The following ZFHX3 variants were observed in gnomAD, a reference collection of about 807,000 sequenced individuals.
The protein encoded by ZFHX3 is zinc finger homeobox protein 3.
Under a neutral mutation model 279.1 loss-of-function variants are expected in ZFHX3, and 42 were observed. The observed-to-expected ratio is 0.15, with a 90% CI of 0.12 to 0.19. ZFHX3 has a LOEUF of 0.19. Among genes scored for constraint, ZFHX3 ranks in the 10% least tolerant of loss-of-function variants. The pLI is 1.00. For synonymous variants in ZFHX3, 2,293 were observed against 1,957.8 expected (o/e 1.17, Z -4.52); for missense variants, 4,981 against 4,754.0 (o/e 1.05, Z -1.40).
chr16:73,792,823 T>C (rs1166143052), intron 1 of ZFHX3, among the ~76,000 whole-genome samples: 2 of 151,732 alleles, frequency 1.3e-5, no homozygotes, highest in East Asian at 3.9e-4. Context: ...TAATGAAATA[T>C]GACATGTAGT....
chr16:73,359,059 T>C (rs944268244), intron 3 of ZFHX3, among the ~76,000 whole-genome samples: 5 of 152,308 alleles, frequency 3.3e-5, no homozygotes, highest in African/African-American at 9.6e-5. Flanking sequence ...TTTTTGGAAA[T>C]TGAGCATCTT....
At position 72,950,827 on chromosome 16, in the gene ZFHX3, A is replaced by C. The variant is rs1960956420; in HGVS notation, c.2858T>G (p.Phe953Cys). The C allele has an allele frequency of 6.2e-7, 1 of 1,614,016 alleles. No homozygotes were observed. Among genetic ancestry groups the C allele is most frequent in the Non-Finnish European group, 8.5e-7 (1 of 1,180,046 alleles). Residue 953 changes from phenylalanine to cysteine, a missense_variant, in exon 3 of 10, where the codon TTC (phenylalanine) becomes TGC (cysteine). By Grantham distance (205) the Phe-to-Cys change is radical. Transcript: ENST00000268489. ...CAGCATGTCCAGGTTGTCCGTCGTG[A>C]ACTTGTTGCAGACGGCGCACTGGAA... is the stretch of plus-strand genomic sequence containing the variant. The part of the protein sequence containing the change: ...KLFQCAVCNK[F>C]TTDNLDMLGL...
At chr16:72,969,275 C>T (rs1961993250) in intron 1 of ZFHX3, among the ~76,000 whole-genome samples, 1 of 152,064 alleles carries the variant, frequency 6.6e-6, no homozygotes, top group Non-Finnish European at 1.5e-5. Context: ...AAACTGAAAA[C>T]TGGTCTCCCC....
chr16:73,642,730 G>C (rs765095946), intron 2 of ZFHX3, among the ~76,000 whole-genome samples: 17 of 152,146 alleles, frequency 1.1e-4, no homozygotes, highest in East Asian at 1.9e-4. Flanking sequence ...GAACAGTACA[G>C]CCTGAACAGA....
At chr16:73,295,057 CA>C (rs368906091) in intron 4 of ZFHX3, among the ~76,000 whole-genome samples, 3 of 151,536 alleles carry the variant, frequency 2.0e-5, no homozygotes, top group Non-Finnish European at 2.9e-5. Context: ...ACTAAAAATA[CA>C]AAAAAAATTA....
At chr16:73,364,668 T>G (rs925137178) in intron 3 of ZFHX3, among the ~76,000 whole-genome samples, 2 of 152,108 alleles carry the variant, frequency 1.3e-5, no homozygotes, top group African/African-American at 4.8e-5. Flanking sequence ...TTTAGGACAT[T>G]CTTGTTATAT....
chr16:73,254,516 T>A (rs1344367722), intron 5 of ZFHX3, among the ~76,000 whole-genome samples: 1 of 151,976 alleles, frequency 6.6e-6, no homozygotes, highest in East Asian at 1.9e-4. Context: ...AATCATGGGA[T>A]TCTTTTTTGA....
At chr16:73,473,640 G>C (rs537666947) in intron 2 of ZFHX3, among the ~76,000 whole-genome samples, 3 of 152,276 alleles carry the variant, frequency 2.0e-5, no homozygotes, top group African/African-American at 2.4e-5. Context: ...TGAAGCAGCT[G>C]TATGATTCTG....
intron 2 of ZFHX3, among the ~76,000 whole-genome samples, chr16:73,561,782 G>A (rs1033320712): frequency 1.3e-5 from 2 of 152,034 alleles, no homozygotes; most frequent in African/African-American, 2.4e-5. Context: ...CGAGTTCTAT[G>A]ACAATAATAC....
rs1333379823 is a variant in ZFHX3 at position 72,795,227 on chromosome 16, T to A, written c.7455A>T (p.Pro2485=). 12 of 1,608,366 alleles carry A rather than the reference T, an allele frequency of 7.5e-6. No homozygotes were observed. The highest frequency in any genetic ancestry group is 1.0e-5 in the Non-Finnish European group (12 of 1,177,064). The change falls in exon 9 of 10, where the codon CCA becomes CCT. Residue 2485 remains proline (P), a synonymous_variant. Coordinates refer to ENST00000268489, the MANE Select transcript of ZFHX3 (RefSeq NM_006885.4). ...AGGGGCACTGTGGAGGGGGCGCTTG[T>A]GGAGGAGGCTGTGGCAACGAAGGCA... The part of the protein sequence containing the change: ...VSLPSLPQPP[P]QAPPPQCPLP...
At chr16:73,853,356 T>C (rs1021794024) in intron 1 of ZFHX3, among the ~76,000 whole-genome samples, 1 of 152,142 alleles carries the variant, frequency 6.6e-6, no homozygotes, top group Non-Finnish European at 1.5e-5. Context: ...AATCATTATA[T>C]TAAAAAGACA....
chr16:73,704,986 A>T (rs1438885946), intron 1 of ZFHX3, among the ~76,000 whole-genome samples: 1 of 152,224 alleles, frequency 6.6e-6, no homozygotes, highest in Non-Finnish European at 1.5e-5. Context: ...AAATACTCCC[A>T]CCATGGCTGA....
At chr16:72,914,379 G>A (rs542344066) in intron 3 of ZFHX3, among the ~76,000 whole-genome samples, 4 of 152,256 alleles carry the variant, frequency 2.6e-5, no homozygotes, top group South Asian at 2.1e-4. Context: ...CACAGACCAC[G>A]ATACTTACTC....
intron 1 of ZFHX3, among the ~76,000 whole-genome samples, chr16:73,777,281 A>G (rs1042218650): frequency 3.3e-5 from 5 of 152,054 alleles, no homozygotes; most frequent in African/African-American, 1.2e-4. Flanking sequence ...AGGCAGGAGG[A>G]TCATGAGGTC....
At chr16:73,251,784 C>T (rs1265025611) in intron 5 of ZFHX3, among the ~76,000 whole-genome samples, 2 of 114,800 alleles carry the variant, frequency 1.7e-5, no homozygotes, top group South Asian at 2.6e-4. Flanking sequence ...CACACAAACG[C>T]ACACACCATG....
chr16:73,828,849 A>C (rs1960922481), intron 1 of ZFHX3, among the ~76,000 whole-genome samples: 1 of 34,528 alleles, frequency 2.9e-5, no homozygotes, highest in Non-Finnish European at 4.7e-5. Flanking sequence ...TTTTTCCTTC[A>C]TTTCAACTTT....
At chr16:73,885,574 C>A (rs1475151641) in intron 1 of ZFHX3, among the ~76,000 whole-genome samples, 1 of 152,054 alleles carries the variant, frequency 6.6e-6, no homozygotes, top group African/African-American at 2.4e-5. Flanking sequence ...CGTGGATCAG[C>A]CTCCAGGGGT....
At chr16:73,573,601 C>CT (rs1430956765) in intron 2 of ZFHX3, among the ~76,000 whole-genome samples, 1 of 152,226 alleles carries the variant, frequency 6.6e-6, no homozygotes, top group East Asian at 1.9e-4. Context: ...TACAGTGCTG[C>CT]TGCCACTGGC....
chr16:73,522,008 G>C (rs151199735), intron 2 of ZFHX3, among the ~76,000 whole-genome samples: 1 of 152,260 alleles, frequency 6.6e-6, no homozygotes, highest in African/African-American at 2.4e-5. Context: ...AGTTTGCATG[G>C]CAGCCTTGGT....
Sources: allele counts gnomAD v4.1 joint callset (sites outside exome capture counted in the v4.1 genomes callset), GRCh38; gene constraint gnomAD v4.1.1; transcripts MANE v1.5; gene names NCBI Gene and HGNC (gene_info 2026-07-23, HGNC 2026-07-21).